Variants in CDHR2 observed in about 807,000 individuals in gnomAD.
CDHR2 encodes cadherin related family member 2.
In CDHR2, 104 loss-of-function variants were observed where a neutral mutation model predicts 138.6. The observed-to-expected ratio is 0.75, with a 90% CI of 0.64 to 0.88. CDHR2 has a LOEUF of 0.88. CDHR2 is among the 40% of genes least tolerant of loss of function. The probability of loss-of-function intolerance (pLI) is 0.00; values close to 1 mark genes in which losing one functional copy is unlikely to be tolerated. For synonymous variants in CDHR2, 755 were observed against 742.8 expected (o/e 1.02, Z -0.27); for missense variants, 1,624 against 1,727.6 (o/e 0.94, Z 1.06).
intron 1 of CDHR2, chr5:176,556,558 G>C (rs1053195076): frequency 6.6e-6 from 1 of 152,202 alleles, no homozygotes; most frequent in Non-Finnish European, 1.5e-5. Context: ...CCAGCTACTC[G>C]GGAGGCTGAG....
At chr5:176,560,323 G>C (rs185910176) in intron 1 of CDHR2, among the ~76,000 whole-genome samples, 26 of 152,122 alleles carry the variant, frequency 1.7e-4, no homozygotes, top group Middle Eastern at 3.4e-3. Flanking sequence ...TTGAACCCAG[G>C]GGGTGGAGGT....
At chr5:176,574,399 C>T (rs10476197) in intron 7 of CDHR2, among the ~76,000 whole-genome samples, 38,875 of 152,138 alleles carry the variant, frequency 0.26, 5,132 homozygotes, top group East Asian at 0.47. Flanking sequence ...TCCTGCCCGC[C>T]TGCTCCCAGG....
chr5:176,591,392 C>T lies in CDHR2; in HGVS notation c.3654-12C>T. On this transcript the variant is annotated splice_polypyrimidine_tract_variant and intron_variant, in intron 29 of 31. Transcript: ENST00000261944. ...CTGAGGGCCAGGCAACTTGACCAGG[C>T]TTTCTCTCCAGAGCCAACCCCATGC... The T allele has an allele frequency of 6.2e-7, 1 of 1,613,846 alleles. No homozygotes were observed. Among genetic ancestry groups the T allele is most frequent in the Non-Finnish European group, 8.5e-7 (1 of 1,179,788 alleles).
At chr5:176,563,675 T>C (rs1758020793) in intron 1 of CDHR2, among the ~76,000 whole-genome samples, 1 of 152,142 alleles carries the variant, frequency 6.6e-6, no homozygotes, top group Admixed American at 6.5e-5. Flanking sequence ...GTGTGTCGCC[T>C]GTAAAAGAGA....
rs1758533241 is a variant in CDHR2, at chr5:176,581,567, C to A, written c.2043C>A (p.Val681=). ...GEPVLGTKVN[V]TITVEDINDN... is the part of the protein sequence containing the mutation. ...CTGTCCTCGGCACCAAAGTCAATGTCACCATCACTGTGGAGGTAAGGCCTC... is the reference window on the plus strand; with the variant it reads ...CTGTCCTCGGCACCAAAGTCAATGTAACCATCACTGTGGAGGTAAGGCCTC... Residue 681 remains valine, a synonymous_variant, in exon 17 of 32, where the codon GTC becomes GTA. Transcript: ENST00000261944. The A allele has an allele frequency of 6.2e-7, 1 of 1,613,716 alleles. No homozygotes were observed. The highest frequency in any genetic ancestry group is 1.7e-5 in the Admixed American group (1 of 60,006).
At position 176,543,755 on chromosome 5, in the gene CDHR2, C is replaced by G. The variant is rs1454323734; in HGVS notation, c.-16+986C>G. The G allele has an allele frequency of 6.6e-6, 1 of 152,208 alleles. No individual in the cohort carries two copies. Among genetic ancestry groups the G allele is most frequent in the African/African-American group, 2.4e-5 (1 of 41,440 alleles). 9.4% of individuals were successfully genotyped at this position (152,208 alleles called of 1,614,324 possible). On this transcript the variant is annotated intron_variant, in intron 1 of 31. Transcript: ENST00000510636. The surrounding 1 kb of genome is among the most constrained non-coding windows in gnomAD (Gnocchi z 4.0). ...TGTCTGGGGTCAGCAGATCTTGGTT[C>G]CCCGCTTTGGGCCATTCTCTGACCC...
intron 1 of CDHR2, among the ~76,000 whole-genome samples, chr5:176,556,202 AT>A (rs562834376): frequency 7.2e-4 from 109 of 152,094 alleles, no homozygotes; most frequent in Non-Finnish European, 1.5e-3. Flanking sequence ...TGGGCATTTA[AT>A]TTTTAAAAAT....
At chr5:176,570,255 C>T (rs903119818) in intron 5 of CDHR2, among the ~76,000 whole-genome samples, 2 of 152,232 alleles carry the variant, frequency 1.3e-5, no homozygotes, top group South Asian at 2.1e-4. Flanking sequence ...AGCTGGTTCC[C>T]TCTGGTGTCC....
upstream of CDHR2, among the ~76,000 whole-genome samples, chr5:176,546,359 G>A (rs1033885125): frequency 6.6e-6 from 1 of 152,090 alleles, no homozygotes; most frequent in African/African-American, 2.4e-5. Context: ...AGGATTAAAT[G>A]AGGTGATATT....
intron 1 of CDHR2, among the ~76,000 whole-genome samples, chr5:176,555,163 AC>A (rs1171825085): frequency 3.3e-5 from 5 of 152,196 alleles, no homozygotes; most frequent in African/African-American, 1.2e-4. Context: ...ATAATCACTC[AC>A]GGTCAACAAC....
Position 176,577,741 on chromosome 5 carries a change from C to T in CDHR2, c.1455C>T (p.Tyr485=), listed in dbSNP as rs917055116. 8.7e-6 allele frequency: 14 copies of T among 1,614,116 alleles called. No individual in the cohort carries two copies. Among genetic ancestry groups the T allele is most frequent in the Admixed American group, 5.0e-5 (3 of 60,008 alleles). ...DHRPTFPQSL[Y]VLTVPEHSAT... The stretch of plus-strand genomic sequence containing the variant: ...GGCCCACGTTTCCCCAGAGCTTGTA[C>T]GTCCTCACGGTGCCAGAGCACAGCG... Residue 485 remains tyrosine (Y), a synonymous_variant, in exon 14 of 32, where the codon TAC becomes TAT. Coordinates refer to ENST00000261944, the MANE Select transcript of CDHR2 (RefSeq NM_017675.6).
At position 176,577,549 on chromosome 5, in the gene CDHR2, G is replaced by T. The variant is rs753325624; in HGVS notation, c.1345G>T (p.Val449Leu). ...CTACGAGAGGCAGACGGCGATGGCG[G>T]TGCAGGTGAGGGCTGCTCCGGGGTG... Reference protein sequence around the residue: ...VDYERQTAMAVQVVATDSVSQ... With the variant: ...VDYERQTAMALQVVATDSVSQ... The change falls in exon 13 of 32, where the codon GTG becomes TTG. Residue 449 changes from valine (V) to leucine (L), a missense_variant. Val to Leu is a conservative substitution (Grantham distance 32). This residue lies in a region of CDHR2 where 1,061 missense variants were observed against 1,136.6 expected (regional missense o/e 0.93). Transcript: ENST00000261944. 3.1e-6 allele frequency: 5 copies of T among 1,613,572 alleles called. No individual in the cohort carries two copies. In the East Asian group the frequency reaches 6.7e-5, roughly 22 times the overall value.
chr5:176,584,563 C>T lies in CDHR2; in HGVS notation c.2282C>T (p.Pro761Leu). Reference sequence around the variant, plus strand: ...TGGGCTGAGGGCTACCTCCGGCTGCCCCCGGACGTGAGCCTGGATTACGAG... The same window carrying T: ...TGGGCTGAGGGCTACCTCCGGCTGCTCCCGGACGTGAGCCTGGATTACGAG... ...AGWAEGYLRL[P>L]PDVSLDYETQ... Residue 761 changes from proline to leucine, a missense_variant, in exon 19 of 32, where the codon CCC (proline) becomes CTC (leucine). Coordinates refer to ENST00000261944, the MANE Select transcript of CDHR2 (RefSeq NM_017675.6). 1 of 1,611,584 alleles carries T rather than the reference C, an allele frequency of 6.2e-7. No homozygotes were observed. Among genetic ancestry groups the T allele is most frequent in the Non-Finnish European group, 8.5e-7 (1 of 1,178,490 alleles).
At chr5:176,568,630 A>G (rs780131657) in intron 3 of CDHR2, 48 bp from the exon 4 acceptor site, 13 of 1,603,992 alleles carry the variant, frequency 8.1e-6, no homozygotes, top group Non-Finnish European at 1.1e-5. Context: ...CCAGACCAGC[A>G]CTGAAAGGGT....
At position 176,581,523 on chromosome 5, in the gene CDHR2, G is replaced by T. The variant is rs1758530003; in HGVS notation, c.1999G>T (p.Val667Leu). ...LEGRIVLTVLVSDCGEPVLGT... is the reference protein window; with the variant it reads ...LEGRIVLTVLLSDCGEPVLGT... ...GGGCCGCATTGTGCTGACAGTGCTT[G>T]TGTCTGACTGCGGCGAGCCTGTCCT... The change falls in exon 17 of 32, where the codon GTG becomes TTG. Residue 667 changes from valine (V) to leucine (L), a missense_variant. Physicochemically the swap from Val to Leu is conservative, Grantham distance 32. Transcript: ENST00000261944. 6.2e-7 allele frequency: 1 copy of T among 1,614,138 alleles called. No homozygotes were observed. Among genetic ancestry groups the T allele is most frequent in the East Asian group, 2.2e-5 (1 of 44,874 alleles).
Position 176,575,416 on chromosome 5 carries a change from A to G in CDHR2, c.758A>G (p.Asp253Gly). The change falls in exon 9 of 32, where the codon GAT (aspartate) becomes GGT (glycine). Residue 253 changes from aspartate (D) to glycine (G), a missense_variant. Transcript: ENST00000261944. ...TTTTACTCGGCCTCTGTGGCTGAGG[A>G]TGCAGCCAAGGTGCACGGGGGACCT... Reference protein sequence around the residue: ...REFYSASVAEDAAKGTSVLTV... With the variant: ...REFYSASVAEGAAKGTSVLTV... The G allele has an allele frequency of 6.2e-7, 1 of 1,614,206 alleles. No individual in the cohort carries two copies. Among genetic ancestry groups the G allele is most frequent in the Admixed American group, 1.7e-5 (1 of 60,024 alleles).
intron 1 of CDHR2, among the ~76,000 whole-genome samples, chr5:176,557,165 A>T (rs1757852561): frequency 6.8e-6 from 1 of 147,720 alleles, no homozygotes; most frequent in African/African-American, 2.5e-5. Context: ...ACAGGCATGC[A>T]CCATGGCGCC....
upstream of CDHR2, among the ~76,000 whole-genome samples, chr5:176,545,120 T>C (rs1277618966): frequency 3.3e-5 from 5 of 152,096 alleles, no homozygotes; most frequent in African/African-American, 1.2e-4. Flanking sequence ...CCTTTTCTTT[T>C]TTTGTGGGGG....
At chr5:176,585,777 A>G (rs1758646963) in intron 19 of CDHR2, among the ~76,000 whole-genome samples, 177 bp from the exon 20 acceptor site, 1 of 151,244 alleles carries the variant, frequency 6.6e-6, no homozygotes, top group South Asian at 2.1e-4. Context: ...GCTGCGGGGC[A>G]TGGGGTTGAG....
Sources: gnomAD v4.1 joint callset for allele counts (sites outside exome capture counted in the v4.1 genomes callset) on GRCh38, gnomAD v4.1.1 for gene constraint, gnomAD v4.1.1 regional missense constraint, Gnocchi (gnomAD v3.1) non-coding constraint, MANE v1.5 for transcripts, NCBI Gene and HGNC (gene_info 2026-07-23, HGNC 2026-07-21) for gene names.